The following HHAT variants were observed in gnomAD, a reference collection of about 807,000 sequenced individuals.
HHAT encodes protein-cysteine N-palmitoyltransferase HHAT.
In HHAT, 47 loss-of-function variants were observed where a neutral mutation model predicts 70.8. The ratio of observed to expected loss-of-function variants is 0.66; its 90% CI spans 0.53 to 0.85. HHAT has a LOEUF of 0.85. Ranked by LOEUF, HHAT falls within the 40% of genes least tolerant of loss-of-function variation. HHAT has a pLI of 0.00. For synonymous variants in HHAT, 228 were observed against 247.6 expected, an observed-to-expected ratio of 0.92 and a Z score of 0.74; for missense variants, 609 against 604.8, an observed-to-expected ratio of 1.01 and a Z score of -0.07.
At chr1:210,634,606 T>C (rs143553898) in intron 11 of HHAT, among the ~76,000 whole-genome samples, 3 of 152,384 alleles carry the variant, frequency 2.0e-5, no homozygotes, top group African/African-American at 7.2e-5. Flanking sequence ...ATTGGGTTTC[T>C]TTTTAATAAG....
intron 9 of HHAT, among the ~76,000 whole-genome samples, chr1:210,535,587 G>C (rs1461747644): frequency 6.6e-6 from 1 of 152,036 alleles, no homozygotes; most frequent in Non-Finnish European, 1.5e-5. Context: ...AAACAGCTCT[G>C]TTCACACATC....
chr1:210,406,088 G>GGA (rs1320287212), intron 6 of HHAT, among the ~76,000 whole-genome samples: 1 of 152,084 alleles, frequency 6.6e-6, no homozygotes. Context: ...AGGCCCTCCA[G>GGA]GAGGAGGGTG....
chr1:210,530,527 A>G (rs1390863667), intron 9 of HHAT, among the ~76,000 whole-genome samples: 5 of 152,204 alleles, frequency 3.3e-5, no homozygotes, highest in Admixed American at 3.3e-4. Context: ...GGACTTGGAA[A>G]TCAGGCATAA....
At chr1:210,508,557 A>G (rs560583187) in intron 8 of HHAT, among the ~76,000 whole-genome samples, 1 of 152,240 alleles carries the variant, frequency 6.6e-6, no homozygotes, top group South Asian at 2.1e-4. Flanking sequence ...TTTAAGCCAA[A>G]CCTTTAGCGT....
chr1:210,614,466 G>A (rs1441475889), intron 10 of HHAT, among the ~76,000 whole-genome samples: 13 of 152,002 alleles, frequency 8.6e-5, no homozygotes, highest in Admixed American at 7.9e-4. Flanking sequence ...CAATGTGCAG[G>A]TTTGTTACAT....
intron 9 of HHAT, among the ~76,000 whole-genome samples, chr1:210,579,759 G>A (rs571626324): frequency 3.7e-4 from 56 of 152,242 alleles, no homozygotes; most frequent in African/African-American, 1.3e-3. Context: ...GTTGCTGCTT[G>A]GGCTGTTTTC....
intron 7 of HHAT, among the ~76,000 whole-genome samples, chr1:210,450,964 G>C (rs1311514239): frequency 2.0e-5 from 3 of 151,838 alleles, no homozygotes; most frequent in Non-Finnish European, 4.4e-5. Context: ...GTGGGCACCT[G>C]TAGTCCCAGC....
At chr1:210,374,124 CT>C (rs2089903648) in intron 3 of HHAT, 1 of 107,496 alleles carries the variant, frequency 9.3e-6, no homozygotes, top group Non-Finnish European at 2.2e-5. Flanking sequence ...TAATGTTTTC[CT>C]CTTTAAGTCT....
chr1:210,584,628 G>T (rs1660030406), intron 9 of HHAT, among the ~76,000 whole-genome samples: 1 of 152,102 alleles, frequency 6.6e-6, no homozygotes, highest in African/African-American at 2.4e-5. Context: ...CCCCTCGTTT[G>T]TGTCCTTGGC....
At chr1:210,535,431 T>TTGTGTGTG (rs144319730) in intron 9 of HHAT, among the ~76,000 whole-genome samples, 1 of 149,764 alleles carries the variant, frequency 6.7e-6, no homozygotes, top group Non-Finnish European at 1.5e-5. Flanking sequence ...CATTGTGTGT[T>TTGTGTGTG]TGTGTGTGTG....
chr1:210,433,567 TG>T (rs1381373287), intron 7 of HHAT, among the ~76,000 whole-genome samples: 1 of 33,312 alleles, frequency 3.0e-5, no homozygotes. Context: ...CTGGTGGGGG[TG>T]GAAAAAAAAC....
At chr1:210,440,508 G>T (rs1429011954) in intron 7 of HHAT, among the ~76,000 whole-genome samples, 1 of 151,792 alleles carries the variant, frequency 6.6e-6, no homozygotes, top group Non-Finnish European at 1.5e-5. Context: ...GCAATCCCCA[G>T]TGGAGGTAAT....
intron 11 of HHAT, among the ~76,000 whole-genome samples, chr1:210,651,543 A>G (rs1675164406): frequency 6.6e-6 from 1 of 152,122 alleles, no homozygotes; most frequent in African/African-American, 2.4e-5. Context: ...GCGGCTTACG[A>G]TGGAACCTCA....
At chr1:210,386,222 C>CT (rs1295756019) in intron 3 of HHAT, among the ~76,000 whole-genome samples, 6 of 69,890 alleles carry the variant, frequency 8.6e-5, no homozygotes, top group East Asian at 4.6e-4. Flanking sequence ...GAGTCCTTTT[C>CT]TTTTTTTCTT....
At chr1:210,396,436 G>T (rs1289996045) in intron 4 of HHAT, among the ~76,000 whole-genome samples, 1 of 152,174 alleles carries the variant, frequency 6.6e-6, no homozygotes, top group African/African-American at 2.4e-5. Flanking sequence ...CATAGTAACA[G>T]CACCAAATGC....
At chr1:210,389,271 C>T (rs1039294435) in intron 4 of HHAT, among the ~76,000 whole-genome samples, 9 of 152,192 alleles carry the variant, frequency 5.9e-5, no homozygotes, top group Non-Finnish European at 1.0e-4. Context: ...GTCCAAGTCA[C>T]CACATCTGGT....
chr1:210,401,893 C>T (rs1007959221), intron 5 of HHAT, among the ~76,000 whole-genome samples: 26 of 151,326 alleles, frequency 1.7e-4, no homozygotes, highest in African/African-American at 4.4e-4. Context: ...ATCCCCTGGA[C>T]GGCTCTGGAC....
intron 1 of HHAT, among the ~76,000 whole-genome samples, chr1:210,343,726 G>C (rs189241848): frequency 4.6e-5 from 7 of 152,238 alleles, no homozygotes; most frequent in African/African-American, 4.8e-5. Context: ...TGGATTGGGC[G>C]TCAGAAGAGG....
intron 8 of HHAT, among the ~76,000 whole-genome samples, chr1:210,479,114 C>T (rs532013929): frequency 2.0e-5 from 3 of 152,280 alleles, no homozygotes; most frequent in Non-Finnish European, 2.9e-5. Flanking sequence ...AGAGTGTCCC[C>T]TATCGTTTGA....
Sources: gnomAD v4.1 joint callset for allele counts (sites outside exome capture counted in the v4.1 genomes callset) on GRCh38, gnomAD v4.1.1 for gene constraint, MANE v1.5 for transcripts, NCBI Gene and HGNC (gene_info 2026-07-23, HGNC 2026-07-21) for gene names.